The following NFATC1 variants were observed in gnomAD, a reference collection of about 807,000 sequenced individuals.
The protein encoded by NFATC1 is nuclear factor of activated T cells 1.
In NFATC1, 22 loss-of-function variants were observed where a neutral mutation model predicts 76.0. That is an observed-to-expected ratio of 0.29 (90% confidence interval 0.21 to 0.41). The LOEUF (loss-of-function observed/expected upper bound fraction) is 0.41, where lower values mean the gene tolerates loss of function less well. NFATC1 is among the 10% of genes least tolerant of loss of function. The pLI is 1.00. For synonymous variants in NFATC1, 704 were observed against 613.1 expected (o/e 1.15, Z -2.19); for missense variants, 1,357 against 1,337.7 (o/e 1.01, Z -0.23).
At chr18:79,396,809 C>T (rs915521663) in intron 1 of NFATC1, among the ~76,000 whole-genome samples, 8 of 151,734 alleles carry the variant, frequency 5.3e-5, no homozygotes, top group Non-Finnish European at 1.0e-4. Flanking sequence ...CCCCCACCCC[C>T]ACCCCGAGCT....
chr18:79,511,312 C>A (rs562704964), intron 9 of NFATC1, among the ~76,000 whole-genome samples: 1 of 152,214 alleles, frequency 6.6e-6, no homozygotes, highest in Admixed American at 6.5e-5. Flanking sequence ...TGCCTCCCCC[C>A]TCCCCGCTGC....
chr18:79,487,931 A>AG (rs1231104625), intron 9 of NFATC1, among the ~76,000 whole-genome samples: 6 of 152,198 alleles, frequency 3.9e-5, no homozygotes, highest in African/African-American at 1.4e-4. Flanking sequence ...TCGGAGGCAC[A>AG]GTGAGTCCTC....
intron 8 of NFATC1, among the ~76,000 whole-genome samples, chr18:79,479,094 TGAGGCCAGCAC>T: frequency 6.6e-6 from 1 of 152,386 alleles, no homozygotes; most frequent in Middle Eastern, 3.4e-3. Flanking sequence ...CAGCCGGCCC[TGAGGCCAGCAC>T]TCGCCTTCCA....
chr18:79,423,107 C>T (rs538543173), intron 2 of NFATC1, among the ~76,000 whole-genome samples: 9 of 151,166 alleles, frequency 6.0e-5, no homozygotes, highest in African/African-American at 1.9e-4. Flanking sequence ...AGGGTTGGGG[C>T]GCGTACAGAG....
At chr18:79,475,081 C>G (rs1383204402) in intron 8 of NFATC1, among the ~76,000 whole-genome samples, 1 of 117,992 alleles carries the variant, frequency 8.5e-6, no homozygotes, top group African/African-American at 4.3e-5. Flanking sequence ...TGTGTTCTCA[C>G]ACTCACTCGA....
At chr18:79,444,839 C>T (rs193228149) in intron 3 of NFATC1, among the ~76,000 whole-genome samples, 71 of 152,372 alleles carry the variant, frequency 4.7e-4, no homozygotes, top group African/African-American at 1.2e-3. Context: ...CACGCCCACA[C>T]TCACGGAGGC....
intron 1 of NFATC1, among the ~76,000 whole-genome samples, chr18:79,397,353 A>C (rs2085042589): frequency 6.6e-6 from 1 of 152,268 alleles, no homozygotes; most frequent in Non-Finnish European, 1.5e-5. Flanking sequence ...GTACTTCATA[A>C]GGGCAGACGT....
chr18:79,450,587 G>A (rs983110294), intron 4 of NFATC1, among the ~76,000 whole-genome samples: 13 of 152,172 alleles, frequency 8.5e-5, no homozygotes, highest in Non-Finnish European at 1.9e-4. Context: ...CCCCGTATAC[G>A]TGGCCAGCGT....
intron 2 of NFATC1, among the ~76,000 whole-genome samples, chr18:79,413,476 C>T (rs771939450): frequency 4.6e-5 from 7 of 152,192 alleles, no homozygotes; most frequent in Non-Finnish European, 8.8e-5. Flanking sequence ...TCTCCATCCA[C>T]CGTGCATGTC....
intron 9 of NFATC1, among the ~76,000 whole-genome samples, chr18:79,503,505 C>T (rs933099323): frequency 6.6e-6 from 1 of 152,190 alleles, no homozygotes; most frequent in African/African-American, 2.4e-5. Flanking sequence ...GGGCTTAAAA[C>T]CTTCGGTAAA....
At chr18:79,522,592 C>T (rs376339510) in intron 9 of NFATC1, among the ~76,000 whole-genome samples, 67 of 152,078 alleles carry the variant, frequency 4.4e-4, no homozygotes, top group African/African-American at 1.4e-3. Flanking sequence ...AGGCGCACAC[C>T]GCAGGAAAGG....
At chr18:79,452,171 C>T (rs984295090) in intron 6 of NFATC1, 13 of 175,522 alleles carry the variant, frequency 7.4e-5, no homozygotes, top group African/African-American at 2.1e-4. Flanking sequence ...GTGGACGCTT[C>T]GGGGGTCAGT....
chr18:79,523,020 C>A (rs1229038800), intron 9 of NFATC1, among the ~76,000 whole-genome samples: 1 of 152,182 alleles, frequency 6.6e-6, no homozygotes, highest in Non-Finnish European at 1.5e-5. Context: ...GCTCTGGGGT[C>A]CCTGGCAGCC....
chr18:79,420,379 A>AG (rs1193209661), intron 2 of NFATC1, among the ~76,000 whole-genome samples: 1 of 89,970 alleles, frequency 1.1e-5, no homozygotes, highest in Non-Finnish European at 2.1e-5. Flanking sequence ...GCAGAGAGGA[A>AG]GGAGGGTCGC....
intron 3 of NFATC1, among the ~76,000 whole-genome samples, chr18:79,436,316 G>A (rs2086773822): frequency 6.6e-6 from 1 of 152,262 alleles, no homozygotes; most frequent in Non-Finnish European, 1.5e-5. Context: ...GGGAACAACT[G>A]GCGCGGGAGT....
rs754370015 is a variant in NFATC1, at chr18:79,411,140, G to A, written c.865G>A (p.Gly289Ser). 3.9e-5 allele frequency: 63 copies of A among 1,612,176 alleles called. No individual in the cohort carries two copies. Among genetic ancestry groups the A allele is most frequent in the Non-Finnish European group, 5.1e-5 (60 of 1,179,794 alleles). Reference protein sequence around the residue: ...PHHSPTPSPHGSPRVSVTDDS... With the variant: ...PHHSPTPSPHSSPRVSVTDDS... ...CCACTCGCCCACGCCGTCCCCGCAC[G>A]GCTCCCCGCGGGTCAGCGTGACCGA... The change falls in exon 2 of 10, where the codon GGC (glycine) becomes AGC (serine). Residue 289 changes from glycine to serine, a missense_variant. Coordinates refer to ENST00000427363, the MANE Select transcript of NFATC1 (RefSeq NM_001278669.2).
chr18:79,405,328 C>T (rs1438445193), intron 1 of NFATC1, among the ~76,000 whole-genome samples: 1 of 152,268 alleles, frequency 6.6e-6, no homozygotes, highest in Non-Finnish European at 1.5e-5. Context: ...GAGCCAGGCC[C>T]TCCGACACGG....
At chr18:79,396,701 G>A (rs1014597599) in intron 1 of NFATC1, among the ~76,000 whole-genome samples, 2 of 152,182 alleles carry the variant, frequency 1.3e-5, no homozygotes, top group African/African-American at 2.4e-5. Context: ...TGGGAGGGAG[G>A]AAGGGAGGCT....
At chr18:79,510,241 C>A (rs146971717) in intron 9 of NFATC1, among the ~76,000 whole-genome samples, 1,622 of 152,202 alleles carry the variant, frequency 0.011, 27 homozygotes, top group African/African-American at 0.033. Context: ...GTCATGCCCC[C>A]GTGCGGAAAC....
Sources: gnomAD v4.1 joint callset for allele counts (sites outside exome capture counted in the v4.1 genomes callset) on GRCh38, gnomAD v4.1.1 for gene constraint, MANE v1.5 for transcripts, NCBI Gene and HGNC (gene_info 2026-07-23, HGNC 2026-07-21) for gene names.